The following LYRM4 variants were observed in gnomAD, a reference collection of about 807,000 sequenced individuals.
The protein encoded by LYRM4 is LYR motif-containing protein 4.
In LYRM4, 9 loss-of-function variants were observed where a neutral mutation model predicts 11.7. That is an observed-to-expected ratio of 0.77 (90% CI 0.46 to 1.34). LYRM4 has a LOEUF of 1.34. Ranked by LOEUF, LYRM4 falls within the 40% of genes most tolerant of loss-of-function variation. The pLI is 0.00. For missense variants in LYRM4, 133 were observed against 112.5 expected, an observed-to-expected ratio of 1.18 and a Z score of -0.82; for synonymous variants, 42 against 40.4, an observed-to-expected ratio of 1.04 and a Z score of -0.15.
At chr6:5,212,006 GAT>G (rs1762011819) in intron 2 of LYRM4, among the ~76,000 whole-genome samples, 1 of 152,132 alleles carries the variant, frequency 6.6e-6, no homozygotes, top group Admixed American at 6.5e-5. Context: ...CTATAACAAA[GAT>G]TACAACTCTA....
rs1283421853 is a variant in LYRM4 at position 5,109,575 on chromosome 6, C to G, written c.208-84G>C. On this transcript the variant is annotated intron_variant, in intron 2 of 2. Coordinates refer to ENST00000330636, the MANE Select transcript of LYRM4 (RefSeq NM_020408.6). Reference sequence around the variant, plus strand: ...CCAGAAGGAACATTTCCTAACATTTCTAATACAAACGTCGGCCATCCCAGG... The same window carrying G: ...CCAGAAGGAACATTTCCTAACATTTGTAATACAAACGTCGGCCATCCCAGG... The G allele has an allele frequency of 1.4e-5, 20 of 1,408,342 alleles. 1 individual carries two copies. Among genetic ancestry groups the G allele is most frequent in the Non-Finnish European group, 1.8e-5 (18 of 995,682 alleles). The allele number at this position is 1,408,342 out of a possible 1,614,324, so 87.2% of individuals were successfully genotyped here. A position where few individuals can be genotyped will look rare whatever the true frequency, so the allele number is the denominator to read the frequency against.
downstream of LYRM4, chr6:5,106,772 C>T (rs1318048447): frequency 6.6e-6 from 1 of 152,252 alleles, no homozygotes; most frequent in Non-Finnish European, 1.5e-5. Flanking sequence ...TAGTAGTTCT[C>T]ATTTGCTCAA....
At chr6:5,155,088 T>C (rs917923137) in intron 2 of LYRM4, among the ~76,000 whole-genome samples, 1 of 152,096 alleles carries the variant, frequency 6.6e-6, no homozygotes, top group Non-Finnish European at 1.5e-5. Flanking sequence ...CTTTTATTAT[T>C]ATTATTTTTT....
chr6:5,211,376 A>G (rs1761978540), intron 2 of LYRM4, among the ~76,000 whole-genome samples: 1 of 152,192 alleles, frequency 6.6e-6, no homozygotes, highest in Non-Finnish European at 1.5e-5. Context: ...GGTTTCAGAG[A>G]CTCAACTACC....
chr6:5,233,275 C>T (rs1478424039), intron 1 of LYRM4, among the ~76,000 whole-genome samples: 1 of 152,200 alleles, frequency 6.6e-6, no homozygotes, highest in Admixed American at 6.5e-5. Flanking sequence ...AAGCAGGTGA[C>T]AATCAGATTT....
intron 2 of LYRM4, among the ~76,000 whole-genome samples, chr6:5,120,551 G>A (rs925936725): frequency 6.6e-6 from 1 of 152,206 alleles, no homozygotes; most frequent in African/African-American, 2.4e-5. Context: ...AGCGTGGAAG[G>A]GGACGCCAGT....
Position 5,161,830 on chromosome 6 carries a change from T to G in LYRM4, c.208-52339A>C, listed in dbSNP as rs191933351. On this transcript the variant is annotated intron_variant, in intron 2 of 2. Coordinates refer to ENST00000330636, the MANE Select transcript of LYRM4 (RefSeq NM_020408.6). ...AAGACGAAGGGACACATGAACGATC[T>G]AGGCCTTTCTTGTTTGCAAGAGCTC... Among the ~76,000 whole-genome samples the G allele has an allele frequency of 3.6e-4, 55 of 152,336 alleles. No homozygotes were observed. In the South Asian group the frequency reaches 5.6e-3, roughly 15 times the overall value.
At chr6:5,242,790 G>A (rs564882124) in intron 1 of LYRM4, among the ~76,000 whole-genome samples, 193 of 145,008 alleles carry the variant, frequency 1.3e-3, no homozygotes, top group Non-Finnish European at 2.4e-3. Flanking sequence ...TTTTTGAGAC[G>A]GAGTCTCGCT....
chr6:5,038,277 C>G, the LYRM4 span, among the ~76,000 whole-genome samples: 2 of 57,576 alleles, frequency 3.5e-5, 1 homozygote, highest in African/African-American at 9.3e-5. Context: ...TCCTCACTTC[C>G]TAGATGGGAT....
At chr6:5,227,858 T>C (rs1762983138) in intron 1 of LYRM4, among the ~76,000 whole-genome samples, 2 of 152,114 alleles carry the variant, frequency 1.3e-5, no homozygotes, top group African/African-American at 4.8e-5. Flanking sequence ...CTGGAAACCA[T>C]TATCCTCAGC....
At chr6:5,085,119 C>G in the LYRM4 span, 1 of 274,632 alleles carries the variant, frequency 3.6e-6, no homozygotes, top group South Asian at 6.6e-5. Context: ...GCAGGGAGCC[C>G]GCGAACGACA....
In LYRM4 at chr6:5,112,004, C is replaced by T. The variant is rs138232214; in HGVS notation, c.208-2513G>A. Among the ~76,000 whole-genome samples the T allele has an allele frequency of 3.9e-5, 6 of 152,264 alleles. No homozygotes were observed. The East Asian group carries it at 7.7e-4, about 20-fold the overall frequency. On this transcript the variant is annotated intron_variant, in intron 2 of 2. Transcript: ENST00000330636. ...CTACATGGCATGGGAGTCCCTAGGG[C>T]GCTGGTGGGAACCTGGCCAAGGGAC... is the stretch of plus-strand genomic sequence containing the variant.
intron 1 of LYRM4, among the ~76,000 whole-genome samples, chr6:5,252,392 C>A (rs549410438): frequency 3.3e-5 from 5 of 152,200 alleles, no homozygotes; most frequent in South Asian, 2.1e-4. Context: ...TCGTTACTTA[C>A]TGGGGATTTT....
At chr6:5,162,052 C>T (rs982363957) in intron 2 of LYRM4, among the ~76,000 whole-genome samples, 4 of 152,150 alleles carry the variant, frequency 2.6e-5, no homozygotes, top group African/African-American at 9.7e-5. Flanking sequence ...TCCTCCCCAA[C>T]CCAGCCACAA....
chr6:5,053,103 A>T, the LYRM4 span, among the ~76,000 whole-genome samples: 1 of 152,144 alleles, frequency 6.6e-6, no homozygotes, highest in African/African-American at 2.4e-5. Flanking sequence ...TTGGATATGA[A>T]ATGGTTAAGC....
At chr6:5,033,155 CAAA>C in the LYRM4 span, 1 of 149,924 alleles carries the variant, frequency 6.7e-6, no homozygotes, top group African/African-American at 2.5e-5. Context: ...GAGGCACGTC[CAAA>C]TCCCCACGCC....
the LYRM4 span, among the ~76,000 whole-genome samples, chr6:5,064,923 G>C: frequency 1.2e-4 from 19 of 152,072 alleles, no homozygotes; most frequent in African/African-American, 4.6e-4. Context: ...TCAAGGCTTA[G>C]TCTCGGTGTT....
intron 1 of LYRM4, among the ~76,000 whole-genome samples, chr6:5,223,421 T>C (rs1478053057): frequency 6.6e-6 from 1 of 152,194 alleles, no homozygotes; most frequent in Non-Finnish European, 1.5e-5. Context: ...GTCTCGTAAG[T>C]GGCAGAGCTG....
the LYRM4 span, among the ~76,000 whole-genome samples, chr6:5,048,327 G>GTA: frequency 6.8e-6 from 1 of 148,100 alleles, no homozygotes; most frequent in Non-Finnish European, 1.5e-5. Context: ...GTGTGTGTGT[G>GTA]TGTGTGTTTG....
Sources: gnomAD v4.1 joint callset for allele counts (sites outside exome capture counted in the v4.1 genomes callset) on GRCh38, gnomAD v4.1.1 for gene constraint, MANE v1.5 for transcripts, NCBI Gene and HGNC (gene_info 2026-07-23, HGNC 2026-07-21) for gene names.